GRM8: variants seen among roughly 807,000 people sequenced by gnomAD.
GRM8 encodes the protein glutamate metabotropic receptor 8, also known as metabotropic glutamate receptor 8.
GRM8 carries 47 observed loss-of-function variants against 87.2 expected under a neutral mutation model. That is an observed-to-expected ratio of 0.54 (90% CI 0.43 to 0.69). The LOEUF is 0.69. Among genes scored for constraint, GRM8 ranks in the 30% least tolerant of loss-of-function variants. The probability of loss-of-function intolerance (pLI) is 0.00; values close to 1 mark genes in which losing one functional copy is unlikely to be tolerated. For missense variants in GRM8, 1,019 were observed against 1,139.2 expected (o/e 0.89, Z 1.52); for synonymous variants, 396 against 404.5 (o/e 0.98, Z 0.25).
Position 127,252,705 on chromosome 7 carries a change from T to G in GRM8, c.-312+92A>C, listed in dbSNP as rs557815564. On this transcript the variant is annotated intron_variant, in intron 1 of 10. Coordinates refer to ENST00000339582, the MANE Select transcript of GRM8 (RefSeq NM_000845.3). This position sits in a 1 kb window ranked among gnomAD's most constrained non-coding sequence, Gnocchi z 4.9. ...TCCTTTTCCAACAAGCAGGGCGTTT[T>G]GGGGAAGTTTGGGGGCCAGGGGCTT... 218 of 153,594 alleles carry G rather than the reference T, an allele frequency of 1.4e-3. 2 individuals carry two copies. The Middle Eastern group carries it at 0.017, about 12-fold the overall frequency. The allele number at this position is 153,594 out of a possible 1,614,324, so 9.5% of individuals were successfully genotyped here. A position where few individuals can be genotyped will look rare whatever the true frequency, so the allele number is the denominator to read the frequency against.
Position 126,856,225 on chromosome 7 carries a change from T to C in GRM8, c.1156+46317A>G, listed in dbSNP as rs555196717. On this transcript the variant is annotated intron_variant, in intron 6 of 10. Transcript: ENST00000339582. Reference sequence around the variant, plus strand: ...TGGTTCAAGTAATTACTTGAAGAAATATCATATCTTAAAATATTTCCATCC... The same window carrying C: ...TGGTTCAAGTAATTACTTGAAGAAACATCATATCTTAAAATATTTCCATCC... 2.6e-5 allele frequency among the ~76,000 whole-genome samples: 4 copies of C among 152,180 alleles called. No homozygotes were observed. In the East Asian group the frequency reaches 7.7e-4, roughly 29 times the overall value.
chr7:126,507,243 C>T (rs534420820), intron 9 of GRM8, among the ~76,000 whole-genome samples: 138 of 152,204 alleles, frequency 9.1e-4, no homozygotes, highest in African/African-American at 3.2e-3. Context: ...GAAATGATGT[C>T]AGAAGCCAGA....
intron 6 of GRM8, among the ~76,000 whole-genome samples, chr7:126,892,016 C>T (rs1413638479): frequency 1.3e-4 from 8 of 60,160 alleles, no homozygotes; most frequent in Non-Finnish European, 1.7e-4. Flanking sequence ...CATGTTCTTG[C>T]AGGGTAAAAA....
chr7:126,478,845 C>A (rs1315867986), intron 9 of GRM8, among the ~76,000 whole-genome samples: 1 of 151,978 alleles, frequency 6.6e-6, no homozygotes, highest in Non-Finnish European at 1.5e-5. Flanking sequence ...ACCTTATGAA[C>A]TAACACCAAA....
At chr7:127,120,637 T>C (rs1827030048) in intron 2 of GRM8, among the ~76,000 whole-genome samples, 1 of 152,258 alleles carries the variant, frequency 6.6e-6, no homozygotes. Context: ...TTTGAAATTT[T>C]TCCATATCAT....
At chr7:126,554,802 T>C (rs898331167) in intron 8 of GRM8, among the ~76,000 whole-genome samples, 4 of 152,236 alleles carry the variant, frequency 2.6e-5, no homozygotes, top group Non-Finnish European at 5.9e-5. Flanking sequence ...TTGTCATATA[T>C]GTTATTTTTA....
chr7:126,534,531 G>GT (rs202207433), intron 8 of GRM8, among the ~76,000 whole-genome samples: 1,619 of 151,790 alleles, frequency 0.011, 15 homozygotes, highest in Non-Finnish European at 0.014. Flanking sequence ...TGATGGTAAT[G>GT]TTTTTTTTAC....
intron 3 of GRM8, among the ~76,000 whole-genome samples, chr7:126,914,113 A>G (rs1803608651): frequency 2.0e-5 from 3 of 152,238 alleles, no homozygotes; most frequent in African/African-American, 2.4e-5. Flanking sequence ...CGGGACTGCA[A>G]CAGAAGCAGA....
At chr7:127,097,160 A>G (rs2132978411) in intron 3 of GRM8, among the ~76,000 whole-genome samples, 2 of 152,316 alleles carry the variant, frequency 1.3e-5, no homozygotes, top group Admixed American at 6.5e-5. Flanking sequence ...CAGAGTGGCA[A>G]GTGGTACCAC....
chr7:127,227,629 C>T (rs1040376369), intron 2 of GRM8, among the ~76,000 whole-genome samples: 13 of 152,164 alleles, frequency 8.5e-5, no homozygotes, highest in Admixed American at 8.5e-4. Context: ...CACATCCTGC[C>T]ATCAGCTTCA....
chr7:126,744,391 T>C (rs180864147), intron 7 of GRM8, among the ~76,000 whole-genome samples: 1 of 152,182 alleles, frequency 6.6e-6, no homozygotes, highest in East Asian at 1.9e-4. Context: ...GGCCTTCGTA[T>C]AAAAATATTT....
Position 126,637,280 on chromosome 7 carries a change from T to G in GRM8, c.1358-27782A>C, listed in dbSNP as rs553246167. 4.6e-5 allele frequency among the ~76,000 whole-genome samples: 7 copies of G among 151,576 alleles called. No homozygotes were observed. In the East Asian group the frequency reaches 1.4e-3, roughly 29 times the overall value. ...GGATATGATAAGCAAAAAAAGAAAATAAAAGAAAACCATATTGCTTTAACT... is the reference window on the plus strand; with the variant it reads ...GGATATGATAAGCAAAAAAAGAAAAGAAAAGAAAACCATATTGCTTTAACT... On this transcript the variant is annotated intron_variant, in intron 7 of 10. Transcript: ENST00000339582.
chr7:126,949,393 A>G (rs1239416570), intron 3 of GRM8, among the ~76,000 whole-genome samples: 1 of 152,002 alleles, frequency 6.6e-6, no homozygotes, highest in Non-Finnish European at 1.5e-5. Context: ...TAAATAAAAT[A>G]TCAGATCTAC....
intron 6 of GRM8, among the ~76,000 whole-genome samples, chr7:126,890,998 A>G (rs1304333129): frequency 6.6e-6 from 1 of 151,854 alleles, no homozygotes; most frequent in Non-Finnish European, 1.5e-5. Flanking sequence ...TAACCAAGTA[A>G]CCCTTCCCAG....
At chr7:126,661,534 G>A (rs1435267712) in intron 7 of GRM8, among the ~76,000 whole-genome samples, 1 of 152,148 alleles carries the variant, frequency 6.6e-6, no homozygotes, top group African/African-American at 2.4e-5. Flanking sequence ...ATTACAGGAT[G>A]GGGGTCAGCC....
At chr7:126,525,450 A>G (rs905216608) in intron 9 of GRM8, among the ~76,000 whole-genome samples, 1 of 152,128 alleles carries the variant, frequency 6.6e-6, no homozygotes, top group African/African-American at 2.4e-5. Flanking sequence ...TTTCTACATT[A>G]AGGTTGGAGC....
At chr7:126,733,025 A>T (rs1390627431) in intron 7 of GRM8, among the ~76,000 whole-genome samples, 1 of 152,052 alleles carries the variant, frequency 6.6e-6, no homozygotes, top group Non-Finnish European at 1.5e-5. Context: ...TTTTAAGCTC[A>T]TCAGCTATCA....
chr7:126,843,502 A>T (rs547366659), intron 6 of GRM8, among the ~76,000 whole-genome samples: 1 of 152,378 alleles, frequency 6.6e-6, no homozygotes, highest in Non-Finnish European at 1.5e-5. Flanking sequence ...TTGGGTCTTC[A>T]TAGCATCCTG....
intron 3 of GRM8, among the ~76,000 whole-genome samples, chr7:127,088,810 C>T (rs956360588): frequency 3.9e-5 from 6 of 152,188 alleles, no homozygotes; most frequent in Non-Finnish European, 5.9e-5. Flanking sequence ...GAGCTCACCC[C>T]AGCTTTCTCT....
Sources: gnomAD v4.1 joint callset for allele counts (sites outside exome capture counted in the v4.1 genomes callset) on GRCh38, gnomAD v4.1.1 for gene constraint, Gnocchi (gnomAD v3.1) non-coding constraint, MANE v1.5 for transcripts, NCBI Gene and HGNC (gene_info 2026-07-23, HGNC 2026-07-21) for gene names.